Variants in DYSF observed in about 807,000 individuals in gnomAD.
DYSF encodes the protein dysferlin, also known as dystrophy-associated fer-1-like 1.
In DYSF, 212 loss-of-function variants were observed where a neutral mutation model predicts 274.9. That is an observed-to-expected ratio of 0.77 (90% CI 0.69 to 0.86). The LOEUF is 0.86. DYSF is among the 40% of genes least tolerant of loss of function. DYSF has a pLI of 0.00. For missense variants in DYSF, 2,666 were observed against 2,783.2 expected (o/e 0.96, Z 0.95); for synonymous variants, 1,091 against 1,078.7 (o/e 1.01, Z -0.22).
At chr2:71,619,788 C>T (rs1367433755) in intron 40 of DYSF, among the ~76,000 whole-genome samples, 1 of 152,186 alleles carries the variant, frequency 6.6e-6, no homozygotes, top group Non-Finnish European at 1.5e-5. Flanking sequence ...TCACCCAGAG[C>T]CCCATCCCCT....
intron 42 of DYSF, among the ~76,000 whole-genome samples, chr2:71,651,896 GATT>G (rs2094670430): frequency 6.6e-6 from 1 of 152,114 alleles, no homozygotes; most frequent in African/African-American, 2.4e-5. Context: ...CATTAACAAA[GATT>G]ATTTCAGTTG....
intron 41 of DYSF, among the ~76,000 whole-genome samples, chr2:71,621,989 A>G (rs1319397368): frequency 6.6e-6 from 1 of 152,132 alleles, no homozygotes; most frequent in Non-Finnish European, 1.5e-5. Context: ...ATATGACTGC[A>G]TGTCACATGA....
chr2:71,537,862 C>A (rs2089545546), intron 16 of DYSF, among the ~76,000 whole-genome samples: 1 of 152,098 alleles, frequency 6.6e-6, no homozygotes, highest in East Asian at 1.9e-4. Context: ...TACGGGGCAC[C>A]AAGAAGAAGG....
intron 47 of DYSF, 99 bp downstream of exon 47, chr2:71,665,403 AC>A: frequency 6.6e-7 from 1 of 1,514,966 alleles, no homozygotes. Context: ...AGCGGACATA[AC>A]CCACAGCAGC....
chr2:71,579,186 C>T (rs773361424), intron 30 of DYSF, among the ~76,000 whole-genome samples: 9 of 152,294 alleles, frequency 5.9e-5, no homozygotes, highest in East Asian at 1.9e-4. Context: ...ACTCTGGTGA[C>T]GGCTGCCGGG....
At position 71,537,223 on chromosome 2, in the gene DYSF, G is replaced by GTTTT. The variant is rs71402990; in HGVS notation, c.1494-1914_1494-1911dup. On this transcript the variant is annotated intron_variant, in intron 16 of 55. Coordinates refer to ENST00000410020, the MANE Select transcript of DYSF (RefSeq NM_001130987.2). ...CAGGAAATTTTTACTTTCTAGTTTT[G>GTTTT]TTTTTTTTTTTTTTTTTTTTTTTGC... Among the ~76,000 whole-genome samples, 348 of 79,646 alleles carry GTTTT rather than the reference G, an allele frequency of 4.4e-3. 11 individuals carry two copies. Among genetic ancestry groups the GTTTT allele is most frequent in the Middle Eastern group, 0.015 (1 of 68 alleles). 52.3% of individuals were successfully genotyped at this position (79,646 alleles called of 152,430 possible).
chr2:71,472,719 G>C (rs2082126223), intron 1 of DYSF, among the ~76,000 whole-genome samples: 1 of 152,180 alleles, frequency 6.6e-6, no homozygotes, highest in African/African-American at 2.4e-5. Flanking sequence ...ACTTTCTTAA[G>C]GTTCAAATAG....
intron 41 of DYSF, among the ~76,000 whole-genome samples, chr2:71,636,175 T>C (rs529420196): frequency 9.2e-5 from 14 of 152,268 alleles, no homozygotes; most frequent in Non-Finnish European, 1.8e-4. Context: ...CAAGCGACTT[T>C]AGAAGTTATT....
intron 17 of DYSF, among the ~76,000 whole-genome samples, chr2:71,548,571 T>C (rs2090668553): frequency 8.6e-6 from 1 of 116,512 alleles, no homozygotes; most frequent in South Asian, 2.5e-4. Context: ...GCGCATCGCA[T>C]ACCTGCCTAG....
At chr2:71,528,439 G>GCACCAGAAAGTCCCCTCCC in intron 14 of DYSF, 38 bp downstream of exon 14, 1 of 1,552,746 alleles carries the variant, frequency 6.4e-7, no homozygotes, top group South Asian at 1.1e-5. Flanking sequence ...TCTCGGGAGG[G>GCACCAGAAAGTCCCCTCCC]GACTTTCTGG....
At chr2:71,505,873 T>C (rs4493287) in intron 4 of DYSF, among the ~76,000 whole-genome samples, 114,845 of 152,200 alleles carry the variant, frequency 0.75, 44,269 homozygotes, top group Middle Eastern at 0.82. Context: ...CGAAGCCCAG[T>C]GGTGTGTGGG....
intron 31 of DYSF, 64 bp from the exon 32 acceptor site, chr2:71,590,147 G>A (rs939654245): frequency 1.2e-5 from 19 of 1,551,132 alleles, no homozygotes; most frequent in African/African-American, 2.7e-5. Context: ...ACCTCCCCCC[G>A]AGCCCCAGCT....
intron 1 of DYSF, among the ~76,000 whole-genome samples, chr2:71,479,845 G>A (rs1480641846): frequency 1.3e-5 from 2 of 152,224 alleles, no homozygotes; most frequent in African/African-American, 2.4e-5. Context: ...CCTTGGGACA[G>A]CTTGCCTCAG....
chr2:71,630,829 A>T (rs1246751469), intron 41 of DYSF, among the ~76,000 whole-genome samples: 1 of 151,948 alleles, frequency 6.6e-6, no homozygotes, highest in African/African-American at 2.4e-5. Context: ...GTCAGTGTTT[A>T]CTCCTTACTC....
intron 3 of DYSF, among the ~76,000 whole-genome samples, chr2:71,493,415 T>C (rs971273639): frequency 6.6e-6 from 1 of 152,186 alleles, no homozygotes; most frequent in Non-Finnish European, 1.5e-5. Context: ...ATAGTATCCC[T>C]TTTTTCTAAT....
rs1311364812 is a variant in DYSF, at chr2:71,664,415, T to C, written c.5151T>C (p.Cys1717=). 1 of 1,614,196 alleles carries C rather than the reference T, an allele frequency of 6.2e-7. No individual in the cohort carries two copies. The highest frequency in any genetic ancestry group is 1.7e-5 in the Admixed American group (1 of 60,024). The stretch of plus-strand genomic sequence containing the variant: ...TGCTGTCCAAGTTTGGGGCTCGCTG[T>C]GGACTCCCACAGACCTACTGTGTGT... The part of the protein sequence containing the change: ...NRLLSKFGAR[C]GLPQTYCVSG... Residue 1717 remains cysteine, a synonymous_variant, in exon 46 of 56, where the codon TGT becomes TGC. Coordinates refer to ENST00000410020, the MANE Select transcript of DYSF (RefSeq NM_001130987.2).
rs187666917 is a variant in DYSF at position 71,610,874 on chromosome 2, G to A, written c.3958-371G>A. On this transcript the variant is annotated intron_variant, in intron 36 of 55. Coordinates refer to ENST00000410020, the MANE Select transcript of DYSF (RefSeq NM_001130987.2). ...TCTGGGACTGAGAGGGGCTGAAGTGGATCTGCCAGGATGGAATAGGCAGTG... is the reference window on the plus strand; with the variant it reads ...TCTGGGACTGAGAGGGGCTGAAGTGAATCTGCCAGGATGGAATAGGCAGTG... 33 of 341,034 alleles carry A rather than the reference G, an allele frequency of 9.7e-5. No homozygotes were observed. The East Asian group carries it at 2.5e-3, about 26-fold the overall frequency. The allele number at this position is 341,034 out of a possible 1,614,324, so 21.1% of individuals were successfully genotyped here. A position where few individuals can be genotyped will look rare whatever the true frequency, so the allele number is the denominator to read the frequency against.
Position 71,540,331 on chromosome 2 carries a change from G to A in DYSF, c.1576+1092G>A, listed in dbSNP as rs552971962. Among the ~76,000 whole-genome samples the A allele has an allele frequency of 5.3e-5, 8 of 151,982 alleles. No homozygotes were observed. The East Asian group carries it at 5.8e-4, about 11-fold the overall frequency. ...TTACCATGTTGGCCAGGCTGGTCTC[G>A]AACTCCTGGCCTCATGATCCGCCCA... On this transcript the variant is annotated intron_variant, in intron 17 of 55. Transcript: ENST00000410020.
In DYSF at chr2:71,656,014, C is replaced by T. The variant is rs908638302; in HGVS notation, c.4627-148C>T. 9.1e-6 allele frequency: 10 copies of T among 1,099,754 alleles called. No individual in the cohort carries two copies. The African/African-American group carries it at 1.4e-4, about 15-fold the overall frequency. 68.1% of individuals were successfully genotyped at this position (1,099,754 alleles called of 1,614,324 possible). A position where few individuals can be genotyped will look rare whatever the true frequency, so the allele number is the denominator to read the frequency against. ...CCTTTATTTTGTTTTTGGTCACTTTCCCTCCTTTTCTTCTTCTCTCTTCCT... is the reference window on the plus strand; with the variant it reads ...CCTTTATTTTGTTTTTGGTCACTTTTCCTCCTTTTCTTCTTCTCTCTTCCT... On this transcript the variant is annotated intron_variant, in intron 42 of 55. Coordinates refer to ENST00000410020, the MANE Select transcript of DYSF (RefSeq NM_001130987.2).
Sources: allele counts gnomAD v4.1 joint callset (sites outside exome capture counted in the v4.1 genomes callset), GRCh38; gene constraint gnomAD v4.1.1; transcripts MANE v1.5; gene names NCBI Gene and HGNC (gene_info 2026-07-23, HGNC 2026-07-21).